The following ZNF804A variants were observed in gnomAD, a reference collection of about 807,000 sequenced individuals.
ZNF804A encodes the protein zinc finger protein 804A.
ZNF804A carries 2 observed loss-of-function variants against 16.5 expected under a neutral mutation model. That is an observed-to-expected ratio of 0.12 (90% CI 0.05 to 0.38). The LOEUF (loss-of-function observed/expected upper bound fraction) is 0.38. ZNF804A is among the 10% of genes least tolerant of loss of function. The probability of loss-of-function intolerance (pLI) is 0.99; values close to 1 mark genes in which losing one functional copy is unlikely to be tolerated. For synonymous variants in ZNF804A, 534 were observed against 489.6 expected (o/e 1.09, Z -1.20); for missense variants, 1,473 against 1,390.7 (o/e 1.06, Z -0.94).
intron 1 of ZNF804A, among the ~76,000 whole-genome samples, chr2:184,850,347 A>C (rs2105803785): frequency 6.6e-6 from 1 of 152,028 alleles, no homozygotes; most frequent in Non-Finnish European, 1.5e-5. Flanking sequence ...AATAATTAAA[A>C]ATTAATTTAA....
At chr2:184,600,932 A>C (rs1418114759) in intron 1 of ZNF804A, among the ~76,000 whole-genome samples, 1 of 152,206 alleles carries the variant, frequency 6.6e-6, no homozygotes, top group Non-Finnish European at 1.5e-5. Flanking sequence ...TATGTAAATG[A>C]GATGAATAAA....
At chr2:184,898,546 A>G (rs978154166) in intron 2 of ZNF804A, among the ~76,000 whole-genome samples, 5 of 152,114 alleles carry the variant, frequency 3.3e-5, no homozygotes, top group Admixed American at 3.3e-4. Flanking sequence ...AATTGTTTAC[A>G]AAGTATAAGA....
rs1685363220 is a variant in ZNF804A, at chr2:184,911,736, G to T, written c.256-21867G>T. Among the ~76,000 whole-genome samples the T allele has an allele frequency of 2.0e-5, 3 of 151,114 alleles. No individual in the cohort carries two copies. The South Asian group carries it at 6.3e-4, about 31-fold the overall frequency. Reference sequence around the variant, plus strand: ...GATATTTTTGTGACTATTGTAAATGGAATTATATTCTTGTTTTGCTCTCAG... The same window carrying T: ...GATATTTTTGTGACTATTGTAAATGTAATTATATTCTTGTTTTGCTCTCAG... On this transcript the variant is annotated intron_variant, in intron 2 of 3. Coordinates refer to ENST00000302277, the MANE Select transcript of ZNF804A (RefSeq NM_194250.2).
intron 1 of ZNF804A, among the ~76,000 whole-genome samples, chr2:184,824,884 G>A (rs1558973152): frequency 6.6e-6 from 1 of 151,964 alleles, no homozygotes; most frequent in Non-Finnish European, 1.5e-5. Context: ...ACAGCATAAC[G>A]ACCAAGGTTC....
chr2:184,889,914 TC>T (rs1444931556), intron 2 of ZNF804A, among the ~76,000 whole-genome samples: 4 of 152,106 alleles, frequency 2.6e-5, no homozygotes, highest in Non-Finnish European at 5.9e-5. Context: ...ATACAATTAT[TC>T]CCCCATTTTC....
At position 184,937,149 on chromosome 2, in the gene ZNF804A, A is replaced by G. The variant is rs1296803492; in HGVS notation, c.1753A>G (p.Thr585Ala). The change falls in exon 4 of 4, where the codon ACC becomes GCC. Residue 585 changes from threonine (T) to alanine (A), a missense_variant. Transcript: ENST00000302277. Reference protein sequence around the residue: ...EKYNKIRLKETHEYWFHKSRR... With the variant: ...EKYNKIRLKEAHEYWFHKSRR... ...ATACAACAAAATAAGGTTGAAAGAGACCCATGAATACTGGTTCCATAAAAG... is the reference window on the plus strand; with the variant it reads ...ATACAACAAAATAAGGTTGAAAGAGGCCCATGAATACTGGTTCCATAAAAG... 1 of 1,602,702 alleles carries G rather than the reference A, an allele frequency of 6.2e-7. No individual in the cohort carries two copies. The highest frequency in any genetic ancestry group is 2.2e-5 in the East Asian group (1 of 44,764).
intron 1 of ZNF804A, among the ~76,000 whole-genome samples, chr2:184,687,835 T>G (rs758389613): frequency 3.9e-5 from 6 of 152,190 alleles, no homozygotes; most frequent in African/African-American, 9.6e-5. Context: ...AACAATTTCA[T>G]AGGCCAGGCG....
chr2:184,871,283 A>G (rs1389645185), intron 2 of ZNF804A, among the ~76,000 whole-genome samples: 2 of 151,908 alleles, frequency 1.3e-5, no homozygotes, highest in African/African-American at 4.8e-5. Flanking sequence ...TTGAATGAAG[A>G]GTAGATACCA....
intron 1 of ZNF804A, among the ~76,000 whole-genome samples, chr2:184,849,513 G>A (rs1558981327): frequency 6.6e-6 from 1 of 152,010 alleles, no homozygotes; most frequent in Non-Finnish European, 1.5e-5. Flanking sequence ...TCAGAGAACT[G>A]TAAATCAAAA....
intron 1 of ZNF804A, among the ~76,000 whole-genome samples, chr2:184,767,889 T>C (rs1694154328): frequency 6.6e-6 from 1 of 152,142 alleles, no homozygotes; most frequent in Admixed American, 6.6e-5. Flanking sequence ...ATCTGTTCGC[T>C]ACTAAAGCAT....
At chr2:184,745,192 A>G (rs1485494268) in intron 1 of ZNF804A, among the ~76,000 whole-genome samples, 2 of 151,864 alleles carry the variant, frequency 1.3e-5, no homozygotes, top group African/African-American at 4.8e-5. Flanking sequence ...TATTTACTCA[A>G]GAATAACAGA....
intron 2 of ZNF804A, among the ~76,000 whole-genome samples, chr2:184,893,919 T>C (rs946168949): frequency 6.6e-5 from 10 of 152,182 alleles, no homozygotes; most frequent in African/African-American, 2.2e-4. Context: ...TTCAAGAGAC[T>C]GGACGATCTT....
chr2:184,807,031 T>C (rs546300087), intron 1 of ZNF804A, among the ~76,000 whole-genome samples: 14 of 151,950 alleles, frequency 9.2e-5, no homozygotes, highest in African/African-American at 3.1e-4. Context: ...ACTAGTGTTA[T>C]ATTGTCTCTG....
intron 1 of ZNF804A, among the ~76,000 whole-genome samples, chr2:184,826,724 A>C (rs1212211721): frequency 6.6e-6 from 1 of 152,110 alleles, no homozygotes; most frequent in Admixed American, 6.6e-5. Context: ...ACCGTTGAAA[A>C]AATTCAGAGA....
chr2:184,604,453 G>A (rs1325360169), intron 1 of ZNF804A, among the ~76,000 whole-genome samples: 1 of 151,952 alleles, frequency 6.6e-6, no homozygotes, highest in African/African-American at 2.4e-5. Flanking sequence ...GATTACAGGC[G>A]TGAGCCACCG....
intron 1 of ZNF804A, among the ~76,000 whole-genome samples, chr2:184,624,075 T>G (rs1691459111): frequency 6.6e-6 from 1 of 152,188 alleles, no homozygotes; most frequent in Non-Finnish European, 1.5e-5. Context: ...CATAATTGAT[T>G]GACAAGGATA....
At chr2:184,819,812 A>C (rs1386119768) in intron 1 of ZNF804A, among the ~76,000 whole-genome samples, 1 of 152,058 alleles carries the variant, frequency 6.6e-6, no homozygotes, top group Non-Finnish European at 1.5e-5. Flanking sequence ...AAACTAGAAA[A>C]TCTAGAAGAA....
rs952232820 is a variant in ZNF804A, at chr2:184,694,397, T to A, written c.111+95327T>A. On this transcript the variant is annotated intron_variant, in intron 1 of 3. Transcript: ENST00000302277. ...GGATGATTTATTTTAGGAGCTTGGT[T>A]TTTACCATTACATAATGTATTTTTA... 3.9e-5 allele frequency among the ~76,000 whole-genome samples: 6 copies of A among 152,300 alleles called. No homozygotes were observed. The South Asian group carries it at 1.2e-3, about 32-fold the overall frequency.
At chr2:184,919,384 C>A (rs1052444561) in intron 2 of ZNF804A, among the ~76,000 whole-genome samples, 1 of 152,184 alleles carries the variant, frequency 6.6e-6, no homozygotes, top group Admixed American at 6.5e-5. Context: ...CCAGGTCAAC[C>A]TTGGTGAGTG....
Sources: allele counts gnomAD v4.1 joint callset (sites outside exome capture counted in the v4.1 genomes callset), GRCh38; gene constraint gnomAD v4.1.1; transcripts MANE v1.5; gene names NCBI Gene and HGNC (gene_info 2026-07-23, HGNC 2026-07-21).